The following SRBD1 variants were observed in gnomAD, a reference collection of about 807,000 sequenced individuals.
The protein encoded by SRBD1 is S1 RNA-binding domain-containing protein 1.
SRBD1 carries 88 observed loss-of-function variants against 115.3 expected under a neutral mutation model. The observed-to-expected ratio is 0.76, with a 90% CI of 0.64 to 0.91. The LOEUF (loss-of-function observed/expected upper bound fraction) is 0.91, where lower values mean the gene tolerates loss of function less well. SRBD1 is among the 40% of genes least tolerant of loss of function. The pLI, the probability that SRBD1 is intolerant of heterozygous loss-of-function variation, is 0.00. For missense variants in SRBD1, 1,385 were observed against 1,177.4 expected, an observed-to-expected ratio of 1.18 and a Z score of -2.58; for synonymous variants, 509 against 407.7, an observed-to-expected ratio of 1.25 and a Z score of -2.99.
chr2:45,598,757 A>G (rs1673987060), intron 4 of SRBD1, among the ~76,000 whole-genome samples: 1 of 152,160 alleles, frequency 6.6e-6, no homozygotes, highest in African/African-American at 2.4e-5. Context: ...ATAGCAAGGG[A>G]AAGAGTACAC....
chr2:45,474,531 T>G (rs1012871759), intron 16 of SRBD1, among the ~76,000 whole-genome samples: 29 of 152,360 alleles, frequency 1.9e-4, no homozygotes, highest in African/African-American at 7.0e-4. Context: ...GTGCTTCAGC[T>G]TGGATTCACA....
At chr2:45,604,467 G>A (rs1674202742) in intron 2 of SRBD1, among the ~76,000 whole-genome samples, 1 of 152,006 alleles carries the variant, frequency 6.6e-6, no homozygotes, top group Non-Finnish European at 1.5e-5. Context: ...GAAGTTAAAG[G>A]GACTAAGGAG....
chr2:45,566,407 A>C (rs1193180341), intron 9 of SRBD1, among the ~76,000 whole-genome samples: 2 of 152,238 alleles, frequency 1.3e-5, no homozygotes, highest in Admixed American at 1.3e-4. Context: ...TACATACCAT[A>C]ACAGACAAAC....
intron 19 of SRBD1, among the ~76,000 whole-genome samples, chr2:45,404,431 C>G (rs1009170197): frequency 2.0e-5 from 3 of 152,132 alleles, no homozygotes; most frequent in Non-Finnish European, 2.9e-5. Context: ...CCCTTTTCCA[C>G]TCCCCTCCAA....
chr2:45,605,341 A>AT (rs1674232942), intron 2 of SRBD1, 21 bp downstream of exon 2: 3 of 1,596,664 alleles, frequency 1.9e-6, no homozygotes, highest in Non-Finnish European at 2.6e-6. Context: ...CCCTACCCAC[A>AT]TATTAAACCA....
At chr2:45,402,050 T>G (rs572433759) in intron 19 of SRBD1, among the ~76,000 whole-genome samples, 1 of 152,236 alleles carries the variant, frequency 6.6e-6, no homozygotes, top group South Asian at 2.1e-4. Context: ...ATTAAGGGTC[T>G]TCAGTAGAGG....
intron 12 of SRBD1, among the ~76,000 whole-genome samples, chr2:45,548,729 AC>A (rs1672198568): frequency 6.6e-6 from 1 of 151,636 alleles, no homozygotes; most frequent in African/African-American, 2.4e-5. Context: ...AAAAAAAAAA[AC>A]ACTGATAAAA....
intron 9 of SRBD1, among the ~76,000 whole-genome samples, chr2:45,568,820 G>C (rs1672916090): frequency 1.3e-5 from 2 of 152,326 alleles, no homozygotes; most frequent in East Asian, 3.9e-4. Context: ...AGGAATGTTA[G>C]TATACTTAGT....
Position 45,590,883 on chromosome 2 carries a change from G to A in SRBD1, c.649-5109C>T, listed in dbSNP as rs922884665. On this transcript the variant is annotated intron_variant, in intron 4 of 20. Transcript: ENST00000263736. ...AATACAAAAATTAGCTGGGCATGGTGGTATGCGCCTGTAATCCCAGCTACT... is the reference window on the plus strand; with the variant it reads ...AATACAAAAATTAGCTGGGCATGGTAGTATGCGCCTGTAATCCCAGCTACT... Among the ~76,000 whole-genome samples the A allele has an allele frequency of 5.3e-5, 8 of 152,250 alleles. No individual in the cohort carries two copies. In the East Asian group the frequency reaches 1.5e-3, roughly 29 times the overall value.
At chr2:45,498,898 G>A (rs1670543128) in intron 14 of SRBD1, among the ~76,000 whole-genome samples, 1 of 152,124 alleles carries the variant, frequency 6.6e-6, no homozygotes, top group African/African-American at 2.4e-5. Flanking sequence ...TTCATCAGCT[G>A]ACAGACACTT....
chr2:45,474,626 T>C (rs974110607), intron 16 of SRBD1, among the ~76,000 whole-genome samples: 1 of 152,326 alleles, frequency 6.6e-6, no homozygotes, highest in African/African-American at 2.4e-5. Context: ...TCCCTACTAT[T>C]TGAATCTGAC....
rs775508325 is a variant in SRBD1 at position 45,579,966 on chromosome 2, T to C, written c.981A>G (p.Ala327=). Residue 327 remains alanine, a synonymous_variant, in exon 7 of 21, where the codon GCA becomes GCG. Coordinates refer to ENST00000263736, the MANE Select transcript of SRBD1 (RefSeq NM_018079.5). The part of the protein sequence containing the change: ...TGSKGTKAQR[A]RQLGLEGAAR... ...CTGCTCCTTCTAAGCCCAACTGTCT[T>C]GCTCTCTGGGCTTTAGTCCCTTTGC... 6 of 1,606,318 alleles carry C rather than the reference T, an allele frequency of 3.7e-6. No homozygotes were observed. In the African/African-American group the frequency reaches 8.1e-5, roughly 22 times the overall value.
intron 20 of SRBD1, among the ~76,000 whole-genome samples, chr2:45,392,736 G>A (rs1021609604): frequency 1.3e-5 from 2 of 152,172 alleles, no homozygotes; most frequent in African/African-American, 4.8e-5. Flanking sequence ...GTGAACAAGG[G>A]GTCCAGGGAG....
intron 19 of SRBD1, among the ~76,000 whole-genome samples, chr2:45,405,660 C>A (rs954176474): frequency 4.6e-5 from 7 of 152,046 alleles, no homozygotes; most frequent in African/African-American, 1.7e-4. Flanking sequence ...ATATATACAT[C>A]TACAGGGCCA....
At chr2:45,600,886 T>G (rs984544639) in intron 3 of SRBD1, among the ~76,000 whole-genome samples, 1 of 152,168 alleles carries the variant, frequency 6.6e-6, no homozygotes, top group Non-Finnish European at 1.5e-5. Context: ...ATTAAAAATA[T>G]TAAGAACTAC....
rs114109377 is a variant in SRBD1, at chr2:45,564,438, T to C, written c.1306-1682A>G. On this transcript the variant is annotated intron_variant, in intron 9 of 20. Transcript: ENST00000263736. ...CAGGGAAAAGAAGGGAGGCCATCTA[T>C]ATTGGAAAGGAAGATGTAAAACTTT... 4.9e-3 allele frequency among the ~76,000 whole-genome samples: 743 copies of C among 152,310 alleles called. 5 individuals are homozygous for C. The highest frequency in any genetic ancestry group is 0.017 in the African/African-American group (699 of 41,562).
chr2:45,395,420 A>G lies in SRBD1; in HGVS notation c.2514-2291T>C, dbSNP rs533199490. ...AGAGGAACTAACTACTACCAAAGTC[A>G]CTTCCAAATAAAGAATTCTGCCTAT... On this transcript the variant is annotated intron_variant, in intron 19 of 20. Transcript: ENST00000263736. 4.6e-5 allele frequency among the ~76,000 whole-genome samples: 7 copies of G among 152,320 alleles called. No individual in the cohort carries two copies. The East Asian group carries it at 1.3e-3, about 29-fold the overall frequency.
chr2:45,539,589 A>C (rs1671869702), intron 14 of SRBD1, among the ~76,000 whole-genome samples: 2 of 152,198 alleles, frequency 1.3e-5, no homozygotes, highest in South Asian at 4.1e-4. Flanking sequence ...GGAACTACTG[A>C]TGAGAATATG....
chr2:45,601,118 G>C (rs1254599741), intron 3 of SRBD1, among the ~76,000 whole-genome samples: 1 of 152,212 alleles, frequency 6.6e-6, no homozygotes, highest in African/African-American at 2.4e-5. Context: ...AAAGGGTGTT[G>C]TCAGCCACTG....
Sources: allele counts gnomAD v4.1 joint callset (sites outside exome capture counted in the v4.1 genomes callset), GRCh38; gene constraint gnomAD v4.1.1; transcripts MANE v1.5; gene names NCBI Gene and HGNC (gene_info 2026-07-23, HGNC 2026-07-21).